Variants in BAG6 observed in about 807,000 individuals in gnomAD.
BAG6 encodes the protein large proline-rich protein BAG6.
A neutral mutation model predicts 121.0 loss-of-function variants in BAG6; 22 were observed. The observed-to-expected ratio is 0.18, with a 90% confidence interval of 0.13 to 0.26. The LOEUF (loss-of-function observed/expected upper bound fraction) is 0.26. Among genes scored for constraint, BAG6 ranks in the 10% least tolerant of loss-of-function variants. The probability of loss-of-function intolerance (pLI) is 1.00; values close to 1 mark genes in which losing one functional copy is unlikely to be tolerated. For missense variants in BAG6, 1,233 were observed against 1,537.7 expected (o/e 0.80, Z 3.31); for synonymous variants, 583 against 584.6 (o/e 1.00, Z 0.04).
chr6:31,639,098 TC>T lies in BAG6; in HGVS notation c.*32del. On this transcript the variant is annotated 3_prime_UTR_variant, in exon 26 of 26. Coordinates refer to ENST00000676615, the MANE Select transcript of BAG6 (RefSeq NM_001387994.1). ...CTGTGAAGGAAGAGGGGGGAAACGG[TC>T]CCCTGATGAGGAAGGGCCATAGAGC... 6.4e-7 allele frequency: 1 copy of T among 1,552,004 alleles called. No individual in the cohort carries two copies. Among genetic ancestry groups the T allele is most frequent in the Non-Finnish European group, 8.8e-7 (1 of 1,133,418 alleles).
rs1402103718 is a variant in BAG6, at chr6:31,641,787, T to C, written c.2494A>G (p.Ser832Gly). The change falls in exon 17 of 26, where the codon AGT (serine) becomes GGT (glycine). Residue 832 changes from serine (S) to glycine (G), a missense_variant. Ser to Gly is a moderately conservative substitution (Grantham distance 56). This residue lies in a region of BAG6 where 288 missense variants were observed against 483.1 expected (regional missense o/e 0.60). Coordinates refer to ENST00000676615, the MANE Select transcript of BAG6 (RefSeq NM_001387994.1). This position sits in a 1 kb window ranked among gnomAD's most constrained non-coding sequence, Gnocchi z 5.7. Reference sequence around the variant, plus strand: ...TGGCCTTCATTTACCCGGATGTTACTGGGTGTGGGCTCCTGACCACCCAGG... The same window carrying C: ...TGGCCTTCATTTACCCGGATGTTACCGGGTGTGGGCTCCTGACCACCCAGG... The part of the protein sequence containing the change: ...HYLGGQEPTP[S>G]NIRMATHTLI... 5.0e-6 allele frequency: 8 copies of C among 1,613,128 alleles called. No individual in the cohort carries two copies. The highest frequency in any genetic ancestry group is 5.1e-6 in the Non-Finnish European group (6 of 1,179,962).
At position 31,641,243 on chromosome 6, in the gene BAG6, C is replaced by T. The variant is rs1561883819; in HGVS notation, c.2663-15G>A. 3 of 1,614,146 alleles carry T rather than the reference C, an allele frequency of 1.9e-6. No individual in the cohort carries two copies. In the South Asian group the frequency reaches 3.3e-5, roughly 18 times the overall value. ...AAATCCACTATCTGTGGGCAAAATACAAGGAGGGAATGCTGGCACGTGGCA... is the reference window on the plus strand; with the variant it reads ...AAATCCACTATCTGTGGGCAAAATATAAGGAGGGAATGCTGGCACGTGGCA... On this transcript the variant is annotated splice_polypyrimidine_tract_variant and intron_variant, in intron 19 of 25. Coordinates refer to ENST00000676615, the MANE Select transcript of BAG6 (RefSeq NM_001387994.1). This position sits in a 1 kb window ranked among gnomAD's most constrained non-coding sequence, Gnocchi z 5.7.
Position 31,644,256 on chromosome 6 carries a change from G to A in BAG6, c.1555+51C>T, listed in dbSNP as rs963545301. The A allele has an allele frequency of 6.4e-7, 1 of 1,566,910 alleles. No homozygotes were observed. Among genetic ancestry groups the A allele is most frequent in the Non-Finnish European group, 8.7e-7 (1 of 1,155,928 alleles). On this transcript the variant is annotated intron_variant, in intron 12 of 25. Transcript: ENST00000676615. This position sits in a 1 kb window ranked among gnomAD's most constrained non-coding sequence, Gnocchi z 4.9. ...AGGGCCAGGCCCTTGCCAGCCAGCT[G>A]CCACCATGGACTGTGCCCTACCTCC...
intron 25 of BAG6, 80 bp downstream of exon 25, chr6:31,639,420 T>C: frequency 6.4e-7 from 1 of 1,554,594 alleles, no homozygotes; most frequent in South Asian, 1.2e-5. Flanking sequence ...GACCAGTTCA[T>C]CGCTGAAGGG....
rs1326630859 is a variant in BAG6 at position 31,648,959 on chromosome 6, G to A, written c.429C>T (p.Asp143=). 24 of 1,526,392 alleles carry A rather than the reference G, an allele frequency of 1.6e-5. No individual in the cohort carries two copies. The highest frequency in any genetic ancestry group is 4.2e-5 in the African/African-American group (3 of 71,934). The allele number at this position is 1,526,392 out of a possible 1,614,324, so 94.6% of individuals were successfully genotyped here. A position where few individuals can be genotyped will look rare whatever the true frequency, so the allele number is the denominator to read the frequency against. The part of the protein sequence containing the change: ...VMVGTFNLPS[D]GSAVDVHINM... ...TGATGTGAACATCCACAGCAGAGCC[G>A]TCACTCTGGGGAAAGGGTAAGGGAA... The change falls in exon 5 of 26, where the codon GAC becomes GAT. Residue 143 remains aspartate, a synonymous_variant. Transcript: ENST00000676615.
chr6:31,652,361 C>CACACACACACACACACACACACACACA (rs753850519), intron 1 of BAG6, 63 bp downstream of exon 1: 18 of 110,438 alleles, frequency 1.6e-4, no homozygotes, highest in East Asian at 1.2e-3. Flanking sequence ...ACACACACAC[C>CACACACACACACACACACACACACACA]CACCACCCCG....
chr6:31,641,477 T>G lies in BAG6; in HGVS notation c.2560-55A>C. The G allele has an allele frequency of 6.2e-7, 1 of 1,613,416 alleles. No individual in the cohort carries two copies. Among genetic ancestry groups the G allele is most frequent in the South Asian group, 1.1e-5 (1 of 91,044 alleles). On this transcript the variant is annotated intron_variant, in intron 18 of 25. Coordinates refer to ENST00000676615, the MANE Select transcript of BAG6 (RefSeq NM_001387994.1). The surrounding 1 kb of genome is among the most constrained non-coding windows in gnomAD (Gnocchi z 5.7). ...AAATCAAGAATCATAAGACTGGGAG[T>G]GGAGGAGGCAGCTGCCTTGACCAGA... is the stretch of plus-strand genomic sequence containing the variant.
chr6:31,651,699 T>A lies in BAG6; in HGVS notation c.65A>T (p.Lys22Met), dbSNP rs771430635. The change falls in exon 2 of 26, where the codon AAG becomes ATG. Residue 22 changes from lysine to methionine, a missense_variant. Physicochemically the swap from Lys to Met is moderately conservative, Grantham distance 95. This residue lies in a region of BAG6 where 7 missense variants were observed against 24.3 expected (regional missense o/e 0.29). Coordinates refer to ENST00000676615, the MANE Select transcript of BAG6 (RefSeq NM_001387994.1). ...EEPDSLEVLVKTLDSQTRTFI... is the reference protein window; with the variant it reads ...EEPDSLEVLVMTLDSQTRTFI... The stretch of plus-strand genomic sequence containing the variant: ...GGTACGAGTTTGAGAGTCCAAGGTC[T>A]TCACCAACACCTCCAAGCTGTCAGG... 6.2e-7 allele frequency: 1 copy of A among 1,613,068 alleles called. No individual in the cohort carries two copies. Among genetic ancestry groups the A allele is most frequent in the South Asian group, 1.1e-5 (1 of 91,074 alleles).
chr6:31,652,045 G>A (rs1797434264), intron 1 of BAG6: 8 of 370,514 alleles, frequency 2.2e-5, no homozygotes, highest in Non-Finnish European at 3.6e-5. Context: ...GTCAGATTAG[G>A]AAGGAAGCAC....
At chr6:31,651,603 G>A (rs1305520548) in intron 2 of BAG6, 53 bp downstream of exon 2, 16 of 1,484,202 alleles carry the variant, frequency 1.1e-5, no homozygotes, top group Non-Finnish European at 1.5e-5. Context: ...AGGCTAAGGG[G>A]CCTAAACGAG....
chr6:31,642,029 T>C (rs931068875), intron 16 of BAG6, 83 bp downstream of exon 16: 8 of 1,594,598 alleles, frequency 5.0e-6, no homozygotes, highest in Non-Finnish European at 6.8e-6. Context: ...TCATCCCACC[T>C]TGGCAACACC....
rs375371680 is a variant in BAG6, at chr6:31,640,153, G to A, written c.3246+46C>T. On this transcript the variant is annotated intron_variant, in intron 24 of 25. Transcript: ENST00000676615. The surrounding 1 kb of genome is among the most constrained non-coding windows in gnomAD (Gnocchi z 4.2). ...ACATAGTTTGATTCCAGGCATGACG[G>A]GGAAACCTGGATAGAGAGAGAGGCT... The A allele has an allele frequency of 7.4e-4, 1,173 of 1,580,686 alleles. 2 individuals carry two copies. Among genetic ancestry groups the A allele is most frequent in the Non-Finnish European group, 9.4e-4 (1,078 of 1,151,096 alleles).
At chr6:31,651,937 G>A (rs902183205) in intron 1 of BAG6, 161 bp from the exon 2 acceptor site, 2 of 567,016 alleles carry the variant, frequency 3.5e-6, no homozygotes, top group Non-Finnish European at 6.4e-6. Context: ...GGGGCACAGG[G>A]AGAGAAACAC....
intron 2 of BAG6, among the ~76,000 whole-genome samples, chr6:31,650,558 A>AGGG (rs1481164985): frequency 1.3e-5 from 2 of 151,508 alleles, no homozygotes; most frequent in Non-Finnish European, 2.9e-5. Flanking sequence ...CCAGATACTC[A>AGGG]GGAGGCTGAG....
In BAG6 at chr6:31,641,481, G is replaced by C; in HGVS notation, c.2559+58C>G. 1 of 1,613,764 alleles carries C rather than the reference G, an allele frequency of 6.2e-7. No homozygotes were observed. The highest frequency in any genetic ancestry group is 8.5e-7 in the Non-Finnish European group (1 of 1,179,630). ...CAAGAATCATAAGACTGGGAGTGGAGGAGGCAGCTGCCTTGACCAGACCCA... is the reference window on the plus strand; with the variant it reads ...CAAGAATCATAAGACTGGGAGTGGACGAGGCAGCTGCCTTGACCAGACCCA... On this transcript the variant is annotated intron_variant, in intron 18 of 25. Transcript: ENST00000676615. This position sits in a 1 kb window ranked among gnomAD's most constrained non-coding sequence, Gnocchi z 5.7.
At chr6:31,649,071 G>A (rs1793422643) in intron 4 of BAG6, 107 bp from the exon 5 acceptor site, 6 of 1,494,630 alleles carry the variant, frequency 4.0e-6, no homozygotes, top group African/African-American at 1.4e-5. Context: ...TAAAGACTGA[G>A]ACCAATAGCA....
At chr6:31,645,730 G>A (rs1014793376) in intron 8 of BAG6, 126 bp from the exon 9 acceptor site, 4 of 1,160,080 alleles carry the variant, frequency 3.4e-6, no homozygotes, top group African/African-American at 3.1e-5. Context: ...ATCCTTGGAA[G>A]TTTACATGTA....
At chr6:31,648,805 A>T in intron 5 of BAG6, 54 bp from the exon 6 acceptor site, 2 of 1,607,146 alleles carry the variant, frequency 1.2e-6, no homozygotes, top group Non-Finnish European at 1.7e-6. Context: ...CATGAGTTCT[A>T]CCACCTACTA....
intron 14 of BAG6, among the ~76,000 whole-genome samples, chr6:31,643,621 G>A (rs1785204587): frequency 6.7e-6 from 1 of 150,060 alleles, no homozygotes; most frequent in Admixed American, 6.7e-5. Flanking sequence ...CTACTCAGGA[G>A]GCTGAGGCAG....
Sources: gnomAD v4.1 joint callset for allele counts (sites outside exome capture counted in the v4.1 genomes callset) on GRCh38, gnomAD v4.1.1 for gene constraint, gnomAD v4.1.1 regional missense constraint, Gnocchi (gnomAD v3.1) non-coding constraint, MANE v1.5 for transcripts, NCBI Gene and HGNC (gene_info 2026-07-23, HGNC 2026-07-21) for gene names.